Variants in CALN1 observed in about 807,000 individuals in gnomAD.
CALN1 encodes the protein calneuron 1, also known as calcium-binding protein 8.
CALN1 carries 17 observed loss-of-function variants against 30.6 expected under a neutral mutation model. The ratio of observed to expected loss-of-function variants is 0.56; its 90% CI spans 0.38 to 0.83. The LOEUF (loss-of-function observed/expected upper bound fraction) is 0.83. Among genes scored for constraint, CALN1 ranks in the 40% least tolerant of loss-of-function variants. The pLI is 0.00. For synonymous variants in CALN1, 156 were observed against 131.4 expected, an observed-to-expected ratio of 1.19 and a Z score of -1.28; for missense variants, 291 against 354.9, an observed-to-expected ratio of 0.82 and a Z score of 1.45.
At chr7:71,959,168 T>C (rs2129524966) in intron 5 of CALN1, among the ~76,000 whole-genome samples, 1 of 152,284 alleles carries the variant, frequency 6.6e-6, no homozygotes, top group Non-Finnish European at 1.5e-5. Context: ...GAAGCACCTG[T>C]CATGGTAGGC....
chr7:72,212,397 G>C lies in CALN1; in HGVS notation c.244+66289C>G, dbSNP rs771817983. 1.5e-3 allele frequency among the ~76,000 whole-genome samples: 229 copies of C among 149,208 alleles called. 1 individual carries two copies. Among genetic ancestry groups the C allele is most frequent in the Middle Eastern group, 3.6e-3 (1 of 278 alleles). ...AGAGGGGGGAAGAATCTACCCAATA[G>C]ATATGACATGGAAGAACTGAAGGAC... On this transcript the variant is annotated intron_variant, in intron 3 of 6. Coordinates refer to ENST00000395275, the MANE Select transcript of CALN1 (RefSeq NM_031468.4).
intron 4 of CALN1, among the ~76,000 whole-genome samples, chr7:72,083,136 G>A (rs186206782): frequency 3.3e-5 from 5 of 152,138 alleles, no homozygotes; most frequent in Non-Finnish European, 5.9e-5. Context: ...GGGAGGCGGA[G>A]GATGCAGTGA....
intron 4 of CALN1, among the ~76,000 whole-genome samples, chr7:72,080,895 C>T (rs1310731529): frequency 6.6e-6 from 1 of 152,182 alleles, no homozygotes; most frequent in East Asian, 1.9e-4. Context: ...ATACTGGAGA[C>T]ACTTAGGTGC....
chr7:72,404,767 A>G (rs1585676122), intron 1 of CALN1, among the ~76,000 whole-genome samples: 1 of 152,348 alleles, frequency 6.6e-6, no homozygotes, highest in African/African-American at 2.4e-5. Context: ...AAATGACTGT[A>G]GAAAGCAGGA....
intron 5 of CALN1, among the ~76,000 whole-genome samples, chr7:71,988,655 C>G (rs539822078): frequency 6.6e-6 from 1 of 152,060 alleles, no homozygotes; most frequent in Admixed American, 6.6e-5. Flanking sequence ...GAAGTCTCCA[C>G]GTATGAGACG....
At position 72,218,994 on chromosome 7, in the gene CALN1, A is replaced by C. The variant is rs564788463; in HGVS notation, c.244+59692T>G. On this transcript the variant is annotated intron_variant, in intron 3 of 6. Transcript: ENST00000395275. ...CAGAGTGCAGGGAACTGCAGATGCC[A>C]TGAGAAGCACACCCCTGAAACAGGA... Among the ~76,000 whole-genome samples the C allele has an allele frequency of 2.6e-5, 4 of 152,344 alleles. No homozygotes were observed. In the East Asian group the frequency reaches 7.7e-4, roughly 29 times the overall value.
rs1486620368 is a variant in CALN1 at position 72,354,816 on chromosome 7, A to G, written c.119+48435T>C. On this transcript the variant is annotated intron_variant, in intron 2 of 6. Coordinates refer to ENST00000395275, the MANE Select transcript of CALN1 (RefSeq NM_031468.4). ...TTAACTCCGAATGGATCGTAGACCT[A>G]AAAGATAAAGCCGCAAAACTTTTAA... Among the ~76,000 whole-genome samples, 3 of 152,242 alleles carry G rather than the reference A, an allele frequency of 2.0e-5. No individual in the cohort carries two copies. In the East Asian group the frequency reaches 5.8e-4, roughly 29 times the overall value.
At chr7:71,941,501 T>C (rs2129522601) in intron 5 of CALN1, among the ~76,000 whole-genome samples, 1 of 152,108 alleles carries the variant, frequency 6.6e-6, no homozygotes, top group Non-Finnish European at 1.5e-5. Flanking sequence ...ATGAACAAAA[T>C]ATATGAATAA....
intron 1 of CALN1, among the ~76,000 whole-genome samples, chr7:72,437,336 A>G (rs1281031076): frequency 1.3e-5 from 2 of 152,182 alleles, no homozygotes; most frequent in Non-Finnish European, 2.9e-5. Flanking sequence ...CAGTCCTGAC[A>G]TTCTGGGACT....
At chr7:71,871,476 AC>A (rs1414547673) in intron 5 of CALN1, among the ~76,000 whole-genome samples, 1 of 152,124 alleles carries the variant, frequency 6.6e-6, no homozygotes, top group Non-Finnish European at 1.5e-5. Context: ...GCCGGGCACC[AC>A]AGCTCACTCC....
chr7:72,320,391 T>G (rs1445544368), intron 2 of CALN1, among the ~76,000 whole-genome samples: 8 of 152,108 alleles, frequency 5.3e-5, no homozygotes, highest in African/African-American at 1.9e-4. Context: ...GTTCCCCAGG[T>G]GCACATGCTC....
chr7:72,100,235 T>C (rs1806555900), intron 4 of CALN1, among the ~76,000 whole-genome samples: 1 of 152,054 alleles, frequency 6.6e-6, no homozygotes. Flanking sequence ...CATAGCTTAC[T>C]GCAGTCTTGA....
chr7:71,925,133 C>T (rs1295062702), intron 5 of CALN1, among the ~76,000 whole-genome samples: 4 of 151,904 alleles, frequency 2.6e-5, no homozygotes, highest in Non-Finnish European at 1.5e-5. Flanking sequence ...CCTAGCTACT[C>T]GGGAAGCTGA....
At chr7:72,445,993 T>C (rs1453045314) in intron 1 of CALN1, among the ~76,000 whole-genome samples, 2 of 152,008 alleles carry the variant, frequency 1.3e-5, no homozygotes, top group Non-Finnish European at 2.9e-5. Flanking sequence ...GCACTTCCCC[T>C]CCCAAGCTCC....
At chr7:72,015,247 C>A (rs1584748428) in intron 5 of CALN1, among the ~76,000 whole-genome samples, 1 of 152,304 alleles carries the variant, frequency 6.6e-6, no homozygotes, top group South Asian at 2.1e-4. Flanking sequence ...GCTGCCTTGT[C>A]CCAAATGTCA....
chr7:71,828,187 C>T (rs765838510), intron 5 of CALN1, among the ~76,000 whole-genome samples: 1 of 152,132 alleles, frequency 6.6e-6, no homozygotes, highest in Admixed American at 6.5e-5. Context: ...GGAGCCTTGA[C>T]CCCAAATAAT....
chr7:72,398,194 C>G (rs890639465), intron 2 of CALN1, among the ~76,000 whole-genome samples: 6 of 152,208 alleles, frequency 3.9e-5, no homozygotes, highest in African/African-American at 1.4e-4. Flanking sequence ...AGCGTCCAGG[C>G]AACAAAGGCT....
rs1021667780 is a variant in CALN1 at position 72,269,332 on chromosome 7, A to G, written c.244+9354T>C. Among the ~76,000 whole-genome samples the G allele has an allele frequency of 8.6e-5, 13 of 151,988 alleles. 1 individual carries two copies. The highest frequency in any genetic ancestry group is 1.2e-4 in the African/African-American group (5 of 41,364). ...ATTAACTCGTCATTTAACATTAGGTATATCTCCTAATGCTATCCCTCCCCC... is the reference window on the plus strand; with the variant it reads ...ATTAACTCGTCATTTAACATTAGGTGTATCTCCTAATGCTATCCCTCCCCC... On this transcript the variant is annotated intron_variant, in intron 3 of 6. Coordinates refer to ENST00000395275, the MANE Select transcript of CALN1 (RefSeq NM_031468.4).
intron 2 of CALN1, among the ~76,000 whole-genome samples, chr7:72,339,863 C>T (rs1415729280): frequency 6.6e-6 from 1 of 152,146 alleles, no homozygotes; most frequent in East Asian, 1.9e-4. Context: ...GATTCAATTT[C>T]CTCCCAACAG....
Sources: gnomAD v4.1 joint callset for allele counts (sites outside exome capture counted in the v4.1 genomes callset) on GRCh38, gnomAD v4.1.1 for gene constraint, MANE v1.5 for transcripts, NCBI Gene and HGNC (gene_info 2026-07-23, HGNC 2026-07-21) for gene names.